UVSSA: variants seen among roughly 807,000 people sequenced by gnomAD.
The protein encoded by UVSSA is UV-stimulated scaffold protein A.
In UVSSA, 72 loss-of-function variants were observed where a neutral mutation model predicts 73.9. That is an observed-to-expected ratio of 0.97 (90% CI 0.81 to 1.19). UVSSA has a LOEUF of 1.19. Among genes scored for constraint, UVSSA ranks in the 50% most tolerant of loss-of-function variants. The pLI, the probability that UVSSA is intolerant of heterozygous loss-of-function variation, is 0.00. For synonymous variants in UVSSA, 454 were observed against 391.3 expected, an observed-to-expected ratio of 1.16 and a Z score of -1.89; for missense variants, 1,150 against 965.0, an observed-to-expected ratio of 1.19 and a Z score of -2.54.
chr4:1,354,797 C>T lies in UVSSA; in HGVS notation c.997C>T (p.Leu333Phe). ...TCTCATCCACGCCGCCCGCGACACACTCAAGCTCATCCGGAACAAGTTCCT... is the reference window on the plus strand; with the variant it reads ...TCTCATCCACGCCGCCCGCGACACATTCAAGCTCATCCGGAACAAGTTCCT... ...LALIHAARDT[L>F]KLIRNKFLPA... Residue 333 changes from leucine (L) to phenylalanine (F), a missense_variant, in exon 6 of 14, where the codon CTC becomes TTC. Coordinates refer to ENST00000389851, the MANE Select transcript of UVSSA (RefSeq NM_020894.4). 1 of 1,613,522 alleles carries T rather than the reference C, an allele frequency of 6.2e-7. No homozygotes were observed. The highest frequency in any genetic ancestry group is 8.5e-7 in the Non-Finnish European group (1 of 1,179,960).
chr4:1,365,719 G>A (rs1717215354), intron 7 of UVSSA, among the ~76,000 whole-genome samples: 1 of 152,244 alleles, frequency 6.6e-6, no homozygotes, highest in South Asian at 2.1e-4. Flanking sequence ...CCAGCACCAC[G>A]GGAGAACCCT....
At chr4:1,384,092 C>G in intron 13 of UVSSA, 152 bp downstream of exon 13, 3 of 983,056 alleles carry the variant, frequency 3.1e-6, no homozygotes, top group Non-Finnish European at 2.9e-6. Flanking sequence ...CCCAGCCTTT[C>G]CCCGGGGAGG....
chr4:1,389,615 G>T (rs1338822789), downstream of UVSSA: 1 of 152,202 alleles, frequency 6.6e-6, no homozygotes, highest in East Asian at 1.9e-4. Flanking sequence ...CTGGCCTCAA[G>T]AAATTTTCCT....
chr4:1,395,943 C>A, exon 14 of UVSSA: 1 of 1,533,016 alleles, frequency 6.5e-7, no homozygotes, highest in South Asian at 1.3e-5. Flanking sequence ...TCGTATCAGA[C>A]CTTTTAATGA....
rs1173089041 is a variant in UVSSA, at chr4:1,386,619, T to A, written c.*658T>A. 6.6e-6 allele frequency: 1 copy of A among 152,358 alleles called. No homozygotes were observed. The highest frequency in any genetic ancestry group is 1.5e-5 in the Non-Finnish European group (1 of 68,136). 9.4% of individuals were successfully genotyped at this position (152,358 alleles called of 1,614,324 possible). A position where few individuals can be genotyped will look rare whatever the true frequency, so the allele number is the denominator to read the frequency against. ...GAGAAGGATACCGAACATCTTCTCG[T>A]GGGCTTACTGGCCATTTGTGTATCT... is the stretch of plus-strand genomic sequence containing the variant. On this transcript the variant is annotated 3_prime_UTR_variant, in exon 14 of 14. Coordinates refer to ENST00000389851, the MANE Select transcript of UVSSA (RefSeq NM_020894.4).
rs1360154066 is a variant in UVSSA at position 1,366,155 on chromosome 4, G to C, written c.1177-165G>C. 9 of 616,062 alleles carry C rather than the reference G, an allele frequency of 1.5e-5. No individual in the cohort carries two copies. In the Admixed American group the frequency reaches 2.3e-4, roughly 16 times the overall value. The allele number at this position is 616,062 out of a possible 1,614,324, so 38.2% of individuals were successfully genotyped here. A position where few individuals can be genotyped will look rare whatever the true frequency, so the allele number is the denominator to read the frequency against. Reference sequence around the variant, plus strand: ...GGTGTGATTTTGGGGAACAAGAACAGCCTTGGAGACGATCTTAAATGCAGT... The same window carrying C: ...GGTGTGATTTTGGGGAACAAGAACACCCTTGGAGACGATCTTAAATGCAGT... On this transcript the variant is annotated intron_variant, in intron 7 of 13. Transcript: ENST00000389851.
At chr4:1,388,123 T>A (rs1319422009), downstream of UVSSA, 1 of 152,330 alleles carries the variant, frequency 6.6e-6, no homozygotes, top group South Asian at 2.1e-4. Context: ...TTTCAGTATA[T>A]AAGTTTCTCA....
chr4:1,382,552 C>T (rs543595299), intron 12 of UVSSA, among the ~76,000 whole-genome samples: 2 of 152,336 alleles, frequency 1.3e-5, no homozygotes, highest in East Asian at 1.9e-4. Flanking sequence ...TTCACTGAGA[C>T]GCTCGCTCCA....
In UVSSA at chr4:1,353,066, T is replaced by C; in HGVS notation, c.587T>C (p.Val196Ala). The C allele has an allele frequency of 1.2e-6, 2 of 1,612,678 alleles. No homozygotes were observed. The highest frequency in any genetic ancestry group is 1.7e-6 in the Non-Finnish European group (2 of 1,179,850). ...SGEIESCLTE[V>A]ESCFRLLVPF... is the part of the protein sequence containing the mutation. ...GAAATTGAATCCTGCTTGACGGAGG[T>C]AGAGAGCTGCTTTAGGCTGCTGGTG... The change falls in exon 5 of 14, where the codon GTA (valine) becomes GCA (alanine). Residue 196 changes from valine (V) to alanine (A), a missense_variant. Coordinates refer to ENST00000389851, the MANE Select transcript of UVSSA (RefSeq NM_020894.4).
chr4:1,380,840 A>G, intron 11 of UVSSA, 40 bp from the exon 12 acceptor site: 1 of 1,597,762 alleles, frequency 6.3e-7, no homozygotes, highest in East Asian at 2.3e-5. Flanking sequence ...AGGCAAGCGG[A>G]CCCCTCCCCG....
intron 1 of UVSSA, 87 bp downstream of exon 1, chr4:1,347,847 C>T (rs1713949057): frequency 2.1e-6 from 1 of 478,230 alleles, no homozygotes; most frequent in Non-Finnish European, 3.8e-6. Context: ...ACCCTCAATG[C>T]AGCGTCCCAC....
chr4:1,386,335 C>G lies in UVSSA; in HGVS notation c.*374C>G. 5.1e-6 allele frequency: 1 copy of G among 194,280 alleles called. No homozygotes were observed. 12.0% of individuals were successfully genotyped at this position (194,280 alleles called of 1,614,324 possible). A position where few individuals can be genotyped will look rare whatever the true frequency, so the allele number is the denominator to read the frequency against. On this transcript the variant is annotated 3_prime_UTR_variant, in exon 14 of 14. Transcript: ENST00000389851. ...CGTGCATTCCCCAGCCAGGAGGCGA[C>G]CACTCAGAGGAACTCTGGGAAACCC... is the stretch of plus-strand genomic sequence containing the variant.
exon 14 of UVSSA, chr4:1,395,389 C>G: frequency 2.3e-5 from 36 of 1,582,006 alleles, no homozygotes; most frequent in Non-Finnish European, 3.1e-5. Flanking sequence ...CGCCTGCTCA[C>G]ACGTGCCCAT....
At chr4:1,378,858 G>C (rs2109287094) in intron 10 of UVSSA, among the ~76,000 whole-genome samples, 1 of 152,368 alleles carries the variant, frequency 6.6e-6, no homozygotes, top group Admixed American at 6.5e-5. Flanking sequence ...CCAGGGCTTT[G>C]CCCGAGACGC....
intron 8 of UVSSA, among the ~76,000 whole-genome samples, chr4:1,366,753 G>C (rs1717382123): frequency 6.6e-6 from 1 of 152,206 alleles, no homozygotes; most frequent in Admixed American, 6.5e-5. Context: ...GCCCGGGTCT[G>C]GGACAGGGGC....
chr4:1,356,376 C>T (rs1000330303), intron 7 of UVSSA, among the ~76,000 whole-genome samples: 1 of 152,150 alleles, frequency 6.6e-6, no homozygotes, highest in Non-Finnish European at 1.5e-5. Context: ...TGTGCAGCCC[C>T]CCCAGGGGCC....
chr4:1,345,875 C>A (rs987331229), upstream of UVSSA, among the ~76,000 whole-genome samples: 8 of 151,636 alleles, frequency 5.3e-5, no homozygotes, highest in Non-Finnish European at 1.0e-4. Context: ...CTAGTAACAA[C>A]AAAAAAAACC....
intron 2 of UVSSA, 151 bp downstream of exon 2, chr4:1,348,340 C>T (rs189308280): frequency 3.1e-6 from 2 of 648,668 alleles, no homozygotes; most frequent in Non-Finnish European, 5.3e-6. Flanking sequence ...CCGGCTCTGA[C>T]GGGTGGTCAT....
intron 8 of UVSSA, among the ~76,000 whole-genome samples, chr4:1,369,157 C>G (rs977872151): frequency 6.6e-6 from 1 of 152,246 alleles, no homozygotes; most frequent in Admixed American, 6.5e-5. Context: ...CTTGAAGGTG[C>G]CGATGTGCCC....
Sources: gnomAD v4.1 joint callset for allele counts (sites outside exome capture counted in the v4.1 genomes callset) on GRCh38, gnomAD v4.1.1 for gene constraint, MANE v1.5 for transcripts, NCBI Gene and HGNC (gene_info 2026-07-23, HGNC 2026-07-21) for gene names.